CCSER1: variants seen among roughly 807,000 people sequenced by gnomAD.
CCSER1 encodes serine-rich coiled-coil domain-containing protein 1.
In CCSER1, 41 loss-of-function variants were observed where a neutral mutation model predicts 82.0. That is an observed-to-expected ratio of 0.50 (90% CI 0.39 to 0.65). The LOEUF (loss-of-function observed/expected upper bound fraction) is 0.65, where lower values mean the gene tolerates loss of function less well. Ranked by LOEUF, CCSER1 falls within the 30% of genes least tolerant of loss-of-function variation. The pLI, the probability that CCSER1 is intolerant of heterozygous loss-of-function variation, is 0.00. For missense variants in CCSER1, 1,119 were observed against 1,064.2 expected (o/e 1.05, Z -0.72); for synonymous variants, 414 against 383.9 (o/e 1.08, Z -0.92).
At chr4:90,698,615 T>C (rs941163475) in intron 6 of CCSER1, among the ~76,000 whole-genome samples, 1 of 152,192 alleles carries the variant, frequency 6.6e-6, no homozygotes, top group Non-Finnish European at 1.5e-5. Context: ...CTATGGTCAA[T>C]TTTAAACTAC....
intron 10 of CCSER1, among the ~76,000 whole-genome samples, chr4:91,130,423 G>GT (rs1727896472): frequency 1.3e-5 from 2 of 151,788 alleles, no homozygotes; most frequent in African/African-American, 2.4e-5. Flanking sequence ...GAAGGAAATT[G>GT]TTTTTTACCT....
intron 10 of CCSER1, among the ~76,000 whole-genome samples, chr4:91,470,583 G>A (rs1757221098): frequency 6.6e-6 from 1 of 152,096 alleles, no homozygotes; most frequent in Admixed American, 6.6e-5. Flanking sequence ...ACAGACATGA[G>A]CCACACCACC....
At chr4:91,444,975 C>T (rs190840155) in intron 10 of CCSER1, among the ~76,000 whole-genome samples, 57 of 152,250 alleles carry the variant, frequency 3.7e-4, no homozygotes, top group Middle Eastern at 3.4e-3. Flanking sequence ...ATAAATCCTG[C>T]TATTACAGGA....
chr4:90,261,041 C>T (rs912514548), intron 1 of CCSER1, among the ~76,000 whole-genome samples: 3 of 152,062 alleles, frequency 2.0e-5, no homozygotes, highest in African/African-American at 4.8e-5. Flanking sequence ...TAAACCCATT[C>T]GGCCATTCTT....
At chr4:90,605,606 T>C (rs1358790630) in intron 5 of CCSER1, among the ~76,000 whole-genome samples, 1 of 151,968 alleles carries the variant, frequency 6.6e-6, no homozygotes, top group Non-Finnish European at 1.5e-5. Context: ...TCCAACATTA[T>C]GTCTTTTTCT....
At chr4:90,262,157 A>G (rs997086781) in intron 1 of CCSER1, among the ~76,000 whole-genome samples, 1 of 152,022 alleles carries the variant, frequency 6.6e-6, no homozygotes, top group African/African-American at 2.4e-5. Context: ...TTTTGGGGAT[A>G]TTAAAGAACC....
chr4:90,481,404 T>G (rs1246793633), intron 5 of CCSER1, among the ~76,000 whole-genome samples: 1 of 152,224 alleles, frequency 6.6e-6, no homozygotes, highest in Non-Finnish European at 1.5e-5. Context: ...CTTCCAACAC[T>G]ATGCTGAATA....
At chr4:90,163,319 A>G (rs1729825705) in intron 1 of CCSER1, among the ~76,000 whole-genome samples, 1 of 152,138 alleles carries the variant, frequency 6.6e-6, no homozygotes, top group Non-Finnish European at 1.5e-5. Context: ...TAGCTTATGT[A>G]GAAATAGAAC....
chr4:91,331,278 T>G (rs764272991), intron 10 of CCSER1, among the ~76,000 whole-genome samples: 1 of 152,180 alleles, frequency 6.6e-6, no homozygotes, highest in African/African-American at 2.4e-5. Flanking sequence ...CCTCATGTGT[T>G]ACATCCCACT....
chr4:91,064,091 C>T (rs1744169813), intron 9 of CCSER1, among the ~76,000 whole-genome samples: 1 of 152,076 alleles, frequency 6.6e-6, no homozygotes, highest in Non-Finnish European at 1.5e-5. Context: ...TTGCTGTGAA[C>T]AAGTAGGAAT....
At chr4:91,290,909 G>A (rs908742385) in intron 10 of CCSER1, among the ~76,000 whole-genome samples, 3 of 151,682 alleles carry the variant, frequency 2.0e-5, no homozygotes, top group African/African-American at 7.3e-5. Flanking sequence ...CAAAATAAAA[G>A]AATGTCTTGA....
intron 8 of CCSER1, among the ~76,000 whole-genome samples, chr4:90,845,621 G>T (rs1763134078): frequency 6.6e-6 from 1 of 152,076 alleles, no homozygotes; most frequent in African/African-American, 2.4e-5. Context: ...ATCAGAATCA[G>T]AACTAGGAGT....
At chr4:91,593,572 A>G (rs112461469) in intron 10 of CCSER1, among the ~76,000 whole-genome samples, 93 of 143,000 alleles carry the variant, frequency 6.5e-4, no homozygotes, top group African/African-American at 2.4e-3. Flanking sequence ...TCGGCCTCCC[A>G]AAGTGCTGGG....
chr4:90,534,422 C>A (rs1185389386), intron 5 of CCSER1, among the ~76,000 whole-genome samples: 1 of 151,260 alleles, frequency 6.6e-6, no homozygotes, highest in East Asian at 1.9e-4. Flanking sequence ...AGCCACCGAG[C>A]CCAGGCTGTG....
At chr4:90,923,610 T>TA (rs1177238900) in intron 9 of CCSER1, 163 bp downstream of exon 9, 2 of 530,312 alleles carry the variant, frequency 3.8e-6, no homozygotes, top group Non-Finnish European at 6.7e-6. Context: ...CTCCTGGAAC[T>TA]AAAAAAGATG....
chr4:91,290,121 T>C (rs898870887), intron 10 of CCSER1, among the ~76,000 whole-genome samples: 5 of 151,942 alleles, frequency 3.3e-5, no homozygotes, highest in Admixed American at 2.6e-4. Flanking sequence ...CTATAGTCAG[T>C]AACTATATCA....
Position 90,228,093 on chromosome 4 carries a change from G to A in CCSER1, c.-41-80151G>A, listed in dbSNP as rs991210240. Among the ~76,000 whole-genome samples, 17 of 152,316 alleles carry A rather than the reference G, an allele frequency of 1.1e-4. 1 individual carries two copies. Among genetic ancestry groups the A allele is most frequent in the South Asian group, 4.1e-4 (2 of 4,830 alleles). On this transcript the variant is annotated intron_variant, in intron 1 of 10. Coordinates refer to ENST00000509176, the MANE Select transcript of CCSER1 (RefSeq NM_001145065.2). ...GCTTGCTTAGGTAAACAGAGCAGCC[G>A]GGAAGCTCCAACTGGGTGGAGCCCA...
intron 6 of CCSER1, among the ~76,000 whole-genome samples, chr4:90,696,427 T>C (rs1024918386): frequency 1.3e-5 from 2 of 152,018 alleles, no homozygotes; most frequent in Non-Finnish European, 2.9e-5. Flanking sequence ...AAGATAAAGG[T>C]GTTTAAGTCC....
intron 9 of CCSER1, among the ~76,000 whole-genome samples, chr4:91,033,600 T>C (rs529023266): frequency 1.3e-5 from 2 of 152,216 alleles, no homozygotes; most frequent in South Asian, 2.1e-4. Context: ...TAAGCCCTGC[T>C]CCCAGTTTTC....
Sources: gnomAD v4.1 joint callset for allele counts (sites outside exome capture counted in the v4.1 genomes callset) on GRCh38, gnomAD v4.1.1 for gene constraint, MANE v1.5 for transcripts, NCBI Gene and HGNC (gene_info 2026-07-23, HGNC 2026-07-21) for gene names.